Variants in IGF2R observed in about 807,000 individuals in gnomAD.
The protein encoded by IGF2R is insulin like growth factor 2 receptor.
Under a neutral mutation model 270.6 loss-of-function variants are expected in IGF2R, and 91 were observed. The observed-to-expected ratio is 0.34, with a 90% CI of 0.28 to 0.40. The LOEUF is 0.40. Ranked by LOEUF, IGF2R falls within the 10% of genes least tolerant of loss-of-function variation. IGF2R has a pLI of 1.00. For synonymous variants in IGF2R, 1,316 were observed against 1,258.9 expected, an observed-to-expected ratio of 1.05 and a Z score of -0.96; for missense variants, 2,805 against 3,188.3, an observed-to-expected ratio of 0.88 and a Z score of 2.90.
intron 1 of IGF2R, among the ~76,000 whole-genome samples, chr6:159,979,551 G>A (rs1783747274): frequency 6.6e-6 from 1 of 152,220 alleles, no homozygotes; most frequent in African/African-American, 2.4e-5. Flanking sequence ...ACATGCGGAG[G>A]GAGAGGAGAG....
chr6:160,073,299 A>G lies in IGF2R; in HGVS notation c.4777A>G (p.Lys1593Glu). The change falls in exon 34 of 48, where the codon AAG becomes GAG. Residue 1593 changes from lysine to glutamate, a missense_variant. By Grantham distance (56) the Lys-to-Glu change is moderately conservative (BLOSUM62 1). Transcript: ENST00000356956. Reference protein sequence around the residue: ...YVDQVLQLVYKDGSPCPSKSG... With the variant: ...YVDQVLQLVYEDGSPCPSKSG... ...GGACCAGGTCCTGCAGCTGGTGTAC[A>G]AGGATGGGTCCCCTTGTCCCTCCAA... 1.2e-6 allele frequency: 2 copies of G among 1,614,262 alleles called. No individual in the cohort carries two copies. Among genetic ancestry groups the G allele is most frequent in the Non-Finnish European group, 8.5e-7 (1 of 1,180,046 alleles).
intron 30 of IGF2R, among the ~76,000 whole-genome samples, chr6:160,068,884 T>C (rs1242021567): frequency 6.6e-6 from 1 of 152,150 alleles, no homozygotes; most frequent in Non-Finnish European, 1.5e-5. Context: ...GGACGAAGAA[T>C]GATTTAAGGG....
intron 9 of IGF2R, among the ~76,000 whole-genome samples, chr6:160,034,194 T>C (rs1777762044): frequency 6.6e-6 from 1 of 152,222 alleles, no homozygotes; most frequent in Non-Finnish European, 1.5e-5. Flanking sequence ...CTTCGGCACT[T>C]TCTTCCAGCC....
rs118147726 is a variant in IGF2R at position 160,070,277 on chromosome 6, G to A, written c.4443+219G>A. On this transcript the variant is annotated intron_variant, in intron 31 of 47. Transcript: ENST00000356956. ...CTTAGAAGCTTGCCTGGCAGTTCCC[G>A]ACTCAGAATTGGTTCTCTTCAGAGT... Among the ~76,000 whole-genome samples the A allele has an allele frequency of 7.2e-4, 110 of 152,300 alleles. No individual in the cohort carries two copies. In the East Asian group the frequency reaches 0.019, roughly 27 times the overall value.
chr6:160,083,007 G>C (rs969745168), intron 39 of IGF2R, among the ~76,000 whole-genome samples: 4 of 152,340 alleles, frequency 2.6e-5, no homozygotes, highest in South Asian at 4.1e-4. Flanking sequence ...AAAGTATAGA[G>C]AAACAACAGT....
At position 160,104,734 on chromosome 6, in the gene IGF2R, C is replaced by G; in HGVS notation, c.7126C>G (p.Leu2376Val). Residue 2376 changes from leucine (L) to valine (V), a missense_variant, in exon 48 of 48, where the codon CTG becomes GTG. Around this residue, in one of 2 missense-constraint regions of IGF2R, gnomAD observed 1,851 missense variants for 2,207.2 expected, o/e 0.84. Coordinates refer to ENST00000356956, the MANE Select transcript of IGF2R (RefSeq NM_000876.4). ...AGAGTGGCTGATGGAAGAGATCCAGCTGCCTCCTCCACGGCAGGGAAAGGA... is the reference window on the plus strand; with the variant it reads ...AGAGTGGCTGATGGAAGAGATCCAGGTGCCTCCTCCACGGCAGGGAAAGGA... The part of the protein sequence containing the change: ...ETEWLMEEIQ[L>V]PPPRQGKEGQ... 6.2e-7 allele frequency: 1 copy of G among 1,614,086 alleles called. No individual in the cohort carries two copies. The highest frequency in any genetic ancestry group is 1.1e-5 in the South Asian group (1 of 91,064).
chr6:160,052,758 G>A (rs1178741807), intron 19 of IGF2R, among the ~76,000 whole-genome samples: 1 of 152,140 alleles, frequency 6.6e-6, no homozygotes, highest in African/African-American at 2.4e-5. Context: ...GAACCGAACA[G>A]AGTCCTCAGA....
intron 44 of IGF2R, chr6:160,090,404 T>A (rs1233142268): frequency 5.0e-6 from 1 of 201,172 alleles, no homozygotes; most frequent in Admixed American, 6.0e-5. Flanking sequence ...CAGTCAGAAT[T>A]GCCTTTGATT....
intron 19 of IGF2R, among the ~76,000 whole-genome samples, chr6:160,051,778 G>A (rs1019545124): frequency 1.3e-5 from 2 of 152,052 alleles, no homozygotes; most frequent in African/African-American, 2.4e-5. Context: ...AGGCAACATA[G>A]TGAGACCCCA....
rs117483878 is a variant in IGF2R at position 160,035,434 on chromosome 6, T to A, written c.1315+912T>A. Among the ~76,000 whole-genome samples the A allele has an allele frequency of 2.1e-4, 32 of 152,242 alleles. No homozygotes were observed. In the East Asian group the frequency reaches 6.0e-3, roughly 29 times the overall value. On this transcript the variant is annotated intron_variant, in intron 10 of 47. Coordinates refer to ENST00000356956, the MANE Select transcript of IGF2R (RefSeq NM_000876.4). The stretch of plus-strand genomic sequence containing the variant: ...GAAGCCTCCGGAGATCAGGTCTGCG[T>A]TGGGAGAGACAGGCACCCCTGCCCT...
At chr6:160,038,518 A>G (rs933826035) in intron 10 of IGF2R, among the ~76,000 whole-genome samples, 1 of 152,270 alleles carries the variant, frequency 6.6e-6, no homozygotes, top group Non-Finnish European at 1.5e-5. Context: ...TTGTAGTAGT[A>G]TTTAATTATT....
intron 26 of IGF2R, 44 bp from the exon 27 acceptor site, chr6:160,063,371 G>C (rs757794814): frequency 7.0e-7 from 1 of 1,425,572 alleles, no homozygotes; most frequent in Non-Finnish European, 9.9e-7. Flanking sequence ...ATGTGAATGC[G>C]TGTGTGGTTG....
At chr6:159,999,868 A>C (rs1784103033) in intron 2 of IGF2R, among the ~76,000 whole-genome samples, 1 of 152,252 alleles carries the variant, frequency 6.6e-6, no homozygotes, top group Non-Finnish European at 1.5e-5. Flanking sequence ...ATATAGATAT[A>C]ATCTAGAAGA....
rs960227930 is a variant in IGF2R, at chr6:160,064,457, G to A, written c.3943G>A (p.Gly1315Arg). ...TGGCTTGTTAAAAATGAACTTCACGGGGGGGGACACTTGCCATAAGGTTTA... is the reference window on the plus strand; with the variant it reads ...TGGCTTGTTAAAAATGAACTTCACGAGGGGGGACACTTGCCATAAGGTTTA... Reference protein sequence around the residue: ...ENGLLKMNFTGGDTCHKVYQR... With the variant: ...ENGLLKMNFTRGDTCHKVYQR... The change falls in exon 28 of 48, where the codon GGG becomes AGG. Residue 1315 changes from glycine to arginine, a missense_variant. By Grantham distance (125) the Gly-to-Arg change is moderately radical. This residue lies in a region of IGF2R where 1,851 missense variants were observed against 2,207.2 expected (regional missense o/e 0.84). Coordinates refer to ENST00000356956, the MANE Select transcript of IGF2R (RefSeq NM_000876.4). The A allele has an allele frequency of 6.2e-6, 10 of 1,613,930 alleles. No individual in the cohort carries two copies. In the African/African-American group the frequency reaches 1.1e-4, roughly 17 times the overall value.
In IGF2R at chr6:160,044,458, C is replaced by T. The variant is rs8191790; in HGVS notation, c.1622-56C>T. On this transcript the variant is annotated intron_variant, in intron 12 of 47. Coordinates refer to ENST00000356956, the MANE Select transcript of IGF2R (RefSeq NM_000876.4). ...TTTTTTTTTTAAGTCACTTCTTTGT[C>T]TGCGTGATGATCATTTTTAACCACA... is the stretch of plus-strand genomic sequence containing the variant. 2.7e-3 allele frequency: 1,152 copies of T among 432,610 alleles called. 8 individuals are homozygous for T. Among genetic ancestry groups the T allele is most frequent in the African/African-American group, 0.021 (871 of 41,522 alleles). The allele number at this position is 432,610 out of a possible 1,614,324, so 26.8% of individuals were successfully genotyped here.
At chr6:160,032,463 G>A (rs1777717984) in intron 7 of IGF2R, 88 bp from the exon 8 acceptor site, 3 of 1,240,284 alleles carry the variant, frequency 2.4e-6, no homozygotes, top group South Asian at 1.4e-5. Flanking sequence ...CTAACAACCT[G>A]TCTTTGAGCT....
rs538623175 is a variant in IGF2R at position 160,110,007 on chromosome 6, G to A, written c.*4923G>A. 32 of 152,336 alleles carry A rather than the reference G, an allele frequency of 2.1e-4. No individual in the cohort carries two copies. The highest frequency in any genetic ancestry group is 7.2e-4 in the African/African-American group (30 of 41,574). The allele number at this position is 152,336 out of a possible 1,614,324, so 9.4% of individuals were successfully genotyped here. A position where few individuals can be genotyped will look rare whatever the true frequency, so the allele number is the denominator to read the frequency against. ...TTTGCAAAAAATGAAAAGGACCTGA[G>A]CTCTAATAAGTTTGGGAAATGCTGA... On this transcript the variant is annotated 3_prime_UTR_variant, in exon 48 of 48. Transcript: ENST00000356956.
At chr6:160,052,242 G>A (rs183029680) in intron 19 of IGF2R, among the ~76,000 whole-genome samples, 6 of 152,234 alleles carry the variant, frequency 3.9e-5, no homozygotes, top group African/African-American at 1.4e-4. Flanking sequence ...CAAAGTCTCA[G>A]GATACAAAAT....
At chr6:159,970,738 A>G (rs1187967078) in intron 1 of IGF2R, among the ~76,000 whole-genome samples, 1 of 152,230 alleles carries the variant, frequency 6.6e-6, no homozygotes, top group African/African-American at 2.4e-5. Flanking sequence ...TGAGAACAAC[A>G]TTTAGAGGAA....
Sources: allele counts gnomAD v4.1 joint callset (sites outside exome capture counted in the v4.1 genomes callset), GRCh38; gene constraint gnomAD v4.1.1; regional missense constraint gnomAD v4.1.1; transcripts MANE v1.5; gene names NCBI Gene and HGNC (gene_info 2026-07-23, HGNC 2026-07-21).